Variants in VIT observed in about 807,000 individuals in gnomAD.
The protein encoded by VIT is vitrin.
Under a neutral mutation model 78.0 loss-of-function variants are expected in VIT, and 99 were observed. The observed-to-expected ratio is 1.27, with a 90% CI of 1.08 to 1.50. The LOEUF (loss-of-function observed/expected upper bound fraction) is 1.50, where lower values mean the gene tolerates loss of function less well. VIT is among the 40% of genes most tolerant of loss of function. The pLI, the probability that VIT is intolerant of heterozygous loss-of-function variation, is 0.00. For synonymous variants in VIT, 374 were observed against 334.3 expected (o/e 1.12, Z -1.29); for missense variants, 1,126 against 875.3 (o/e 1.29, Z -3.61).
intron 3 of VIT, among the ~76,000 whole-genome samples, chr2:36,738,819 T>C (rs946226755): frequency 1.3e-5 from 2 of 152,204 alleles, no homozygotes; most frequent in African/African-American, 4.8e-5. Flanking sequence ...GAAGAAACTA[T>C]GGAATGGCCT....
chr2:36,759,505 T>C (rs1668977757), intron 6 of VIT: 2 of 1,135,170 alleles, frequency 1.8e-6, no homozygotes, highest in Non-Finnish European at 1.1e-6. Flanking sequence ...GTCTACAAGG[T>C]TGTGCCAACT....
intron 6 of VIT, among the ~76,000 whole-genome samples, chr2:36,761,105 C>T (rs1008399393): frequency 2.6e-5 from 4 of 152,166 alleles, no homozygotes; most frequent in Non-Finnish European, 4.4e-5. Context: ...CAAAACTCTG[C>T]GAGCTCTGTT....
At chr2:36,801,527 G>A (rs1666325908) in intron 13 of VIT, 123 bp downstream of exon 13, 1 of 894,358 alleles carries the variant, frequency 1.1e-6, no homozygotes, top group African/African-American at 1.7e-5. Flanking sequence ...ATAACTTCTG[G>A]TCGGGCGTGG....
intron 3 of VIT, among the ~76,000 whole-genome samples, chr2:36,730,919 G>A (rs1279711668): frequency 6.6e-6 from 1 of 152,164 alleles, no homozygotes; most frequent in Non-Finnish European, 1.5e-5. Flanking sequence ...TTACAGCAAA[G>A]ACACCACTCA....
In VIT at chr2:36,705,510, T is replaced by C. The variant is rs966466328; in HGVS notation, c.-19+8537T>C. 3.3e-5 allele frequency among the ~76,000 whole-genome samples: 5 copies of C among 152,136 alleles called. No homozygotes were observed. In the South Asian group the frequency reaches 1.0e-3, roughly 32 times the overall value. On this transcript the variant is annotated intron_variant, in intron 1 of 15. Coordinates refer to ENST00000379242, the MANE Select transcript of VIT (RefSeq NM_053276.4). Reference sequence around the variant, plus strand: ...CTGAAACACAAGACCAAAAAAGGCTTTCCCTTTTTGGTTTTCTGACATGTA... The same window carrying C: ...CTGAAACACAAGACCAAAAAAGGCTCTCCCTTTTTGGTTTTCTGACATGTA...
intron 2 of VIT, among the ~76,000 whole-genome samples, chr2:36,724,517 G>A (rs4608493): frequency 0.47 from 71,170 of 152,018 alleles, 17,861 homozygotes; most frequent in Admixed American, 0.61. Context: ...ACCATTTCCA[G>A]TGTAGCAAGA....
chr2:36,774,454 C>A (rs1669935342), intron 8 of VIT: 2 of 963,744 alleles, frequency 2.1e-6, no homozygotes, highest in African/African-American at 3.5e-5. Flanking sequence ...ACTCACAGCC[C>A]GGTCTATGAG....
intron 4 of VIT, among the ~76,000 whole-genome samples, chr2:36,753,071 T>A (rs984504369): frequency 1.3e-5 from 2 of 152,176 alleles, no homozygotes; most frequent in African/African-American, 4.8e-5. Flanking sequence ...ATGGATTAAA[T>A]TGGAAACCAT....
intron 7 of VIT, among the ~76,000 whole-genome samples, chr2:36,769,338 T>C (rs1249512349): frequency 6.6e-6 from 1 of 152,218 alleles, no homozygotes; most frequent in African/African-American, 2.4e-5. Context: ...GCTCTGCTGG[T>C]GGAAAACCTA....
intron 5 of VIT, among the ~76,000 whole-genome samples, chr2:36,757,890 T>C (rs1356918975): frequency 6.6e-6 from 1 of 152,204 alleles, no homozygotes; most frequent in Non-Finnish European, 1.5e-5. Context: ...AACAGAAACC[T>C]AGATTGTCTT....
At chr2:36,804,526 A>G (rs537106748) in intron 13 of VIT, among the ~76,000 whole-genome samples, 1 of 152,286 alleles carries the variant, frequency 6.6e-6, no homozygotes, top group East Asian at 1.9e-4. Context: ...GAAAAGGGGC[A>G]CTTCTGTTCG....
At chr2:36,793,568 C>T (rs759202197) in intron 12 of VIT, among the ~76,000 whole-genome samples, 11 of 152,234 alleles carry the variant, frequency 7.2e-5, no homozygotes, top group East Asian at 1.9e-4. Context: ...CAGCCACTGT[C>T]GTGTGACCTG....
intron 15 of VIT, among the ~76,000 whole-genome samples, chr2:36,810,708 A>G (rs1409613853): frequency 6.7e-6 from 1 of 149,574 alleles, no homozygotes; most frequent in Non-Finnish European, 1.5e-5. Flanking sequence ...ATCTCTACTC[A>G]TTGCAACCTC....
Position 36,814,553 on chromosome 2 carries a change from CG to C in VIT, c.*193del. The C allele has an allele frequency of 1.5e-6, 1 of 678,984 alleles. No homozygotes were observed. Among genetic ancestry groups the C allele is most frequent in the Middle Eastern group, 4.0e-4 (1 of 2,474 alleles). 42.1% of individuals were successfully genotyped at this position (678,984 alleles called of 1,614,324 possible). ...TTGGAGTTACAAAGATGATCACAAA[CG>C]TATAGAATGAGCCAAAAGGCTACAT... On this transcript the variant is annotated 3_prime_UTR_variant, in exon 16 of 16. Coordinates refer to ENST00000379242, the MANE Select transcript of VIT (RefSeq NM_053276.4).
At chr2:36,739,536 A>G (rs919776550) in intron 3 of VIT, among the ~76,000 whole-genome samples, 1 of 152,218 alleles carries the variant, frequency 6.6e-6, no homozygotes, top group African/African-American at 2.4e-5. Flanking sequence ...TGAGATCACT[A>G]CAGCGGACAC....
intron 5 of VIT, among the ~76,000 whole-genome samples, chr2:36,757,499 A>G (rs1668840760): frequency 6.6e-6 from 1 of 152,248 alleles, no homozygotes; most frequent in Non-Finnish European, 1.5e-5. Context: ...TAAATAGAGA[A>G]GATGTCTCTT....
intron 12 of VIT, among the ~76,000 whole-genome samples, chr2:36,790,977 C>T (rs567204225): frequency 6.6e-6 from 1 of 152,160 alleles, no homozygotes; most frequent in African/African-American, 2.4e-5. Flanking sequence ...TCAGCTGCAT[C>T]CCGGACCCAC....
chr2:36,720,661 A>G (rs1186320119), intron 2 of VIT, among the ~76,000 whole-genome samples: 1 of 152,234 alleles, frequency 6.6e-6, no homozygotes, highest in Non-Finnish European at 1.5e-5. Context: ...AACGTAGAAC[A>G]ATGGTTTCCA....
intron 4 of VIT, among the ~76,000 whole-genome samples, chr2:36,749,736 C>A (rs1310742486): frequency 6.6e-6 from 1 of 152,202 alleles, no homozygotes; most frequent in Non-Finnish European, 1.5e-5. Context: ...GGAGTCGATA[C>A]TTGGCTACTG....
Sources: allele counts gnomAD v4.1 joint callset (sites outside exome capture counted in the v4.1 genomes callset), GRCh38; gene constraint gnomAD v4.1.1; transcripts MANE v1.5; gene names NCBI Gene and HGNC (gene_info 2026-07-23, HGNC 2026-07-21).